Variants in LAMB1 observed in about 807,000 individuals in gnomAD.
LAMB1 encodes the protein laminin subunit beta-1.
A neutral mutation model predicts 222.3 loss-of-function variants in LAMB1; 121 were observed. The observed-to-expected ratio is 0.54, with a 90% CI of 0.47 to 0.63. LAMB1 has a LOEUF of 0.63. LAMB1 is among the 30% of genes least tolerant of loss of function. The pLI is 0.00. For synonymous variants in LAMB1, 794 were observed against 807.2 expected, an observed-to-expected ratio of 0.98 and a Z score of 0.28; for missense variants, 2,172 against 2,240.8, an observed-to-expected ratio of 0.97 and a Z score of 0.62.
At chr7:107,935,983 T>G (rs971879501) in intron 26 of LAMB1, among the ~76,000 whole-genome samples, 4 of 152,198 alleles carry the variant, frequency 2.6e-5, no homozygotes, top group African/African-American at 9.6e-5. Flanking sequence ...CTAGATGACT[T>G]TTCTCAATCC....
At chr7:107,971,036 C>T (rs1006734611) in intron 13 of LAMB1, among the ~76,000 whole-genome samples, 3 of 152,178 alleles carry the variant, frequency 2.0e-5, no homozygotes, top group Non-Finnish European at 2.9e-5. Context: ...CTGGCCACTT[C>T]TTTAATTATT....
intron 14 of LAMB1, among the ~76,000 whole-genome samples, chr7:107,963,673 A>G (rs1337777036): frequency 1.3e-5 from 2 of 152,192 alleles, no homozygotes; most frequent in South Asian, 2.1e-4. Context: ...GGTGCAAACT[A>G]TGTTATCCTT....
rs953281831 is a variant in LAMB1, at chr7:107,932,483, C to T, written c.4189-106G>A. On this transcript the variant is annotated intron_variant, in intron 27 of 33. Coordinates refer to ENST00000222399, the MANE Select transcript of LAMB1 (RefSeq NM_002291.3). The stretch of plus-strand genomic sequence containing the variant: ...CCCCAGAGAATGTGTAGGTGGTCCT[C>T]AGCAAGGGTGCTTGAAAACAGTGTT... 17 of 1,044,370 alleles carry T rather than the reference C, an allele frequency of 1.6e-5. No homozygotes were observed. In the Admixed American group the frequency reaches 2.5e-4, roughly 15 times the overall value. 64.7% of individuals were successfully genotyped at this position (1,044,370 alleles called of 1,614,324 possible). A position where few individuals can be genotyped will look rare whatever the true frequency, so the allele number is the denominator to read the frequency against.
chr7:108,002,204 G>C, intron 2 of LAMB1: 1 of 1,366,582 alleles, frequency 7.3e-7, no homozygotes, highest in Non-Finnish European at 9.7e-7. Flanking sequence ...CTGTGAGCTT[G>C]GGAAGCGAGA....
chr7:107,941,491 A>G (rs4730281), intron 24 of LAMB1, among the ~76,000 whole-genome samples: 95,611 of 151,968 alleles, frequency 0.63, 30,526 homozygotes, highest in East Asian at 0.87. Context: ...CATCGGACTC[A>G]GGGTTAACTT....
chr7:107,944,411 C>T (rs2033066352), intron 24 of LAMB1, among the ~76,000 whole-genome samples: 6 of 152,128 alleles, frequency 3.9e-5, no homozygotes, highest in Admixed American at 3.3e-4. Context: ...CGGCTCTCTC[C>T]AGAAGTCAAC....
intron 3 of LAMB1, chr7:107,999,655 A>C (rs1244091814): frequency 6.7e-6 from 1 of 150,038 alleles, no homozygotes; most frequent in Non-Finnish European, 1.5e-5. Context: ...TGCCCACTAG[A>C]TGTTTGAGAA....
intron 5 of LAMB1, among the ~76,000 whole-genome samples, chr7:107,990,559 G>A (rs971453132): frequency 1.3e-5 from 2 of 151,952 alleles, no homozygotes; most frequent in Non-Finnish European, 2.9e-5. Context: ...TTTTTTTTAA[G>A]TGAAAGCAAG....
rs2116353645 is a variant in LAMB1 at position 107,940,225 on chromosome 7, G to T, written c.3525C>A (p.Asp1175Glu). The T allele has an allele frequency of 6.2e-7, 1 of 1,614,204 alleles. No homozygotes were observed. ...CTRGYSGVFP[D>E]CTPCHQCFAL... ...CAAAGCACTGGTGGCAGGGTGTGCAGTCAGGGAAGACCCCCGAGTACCCTC... is the reference window on the plus strand; with the variant it reads ...CAAAGCACTGGTGGCAGGGTGTGCATTCAGGGAAGACCCCCGAGTACCCTC... Residue 1175 changes from aspartate (D) to glutamate (E), a missense_variant, in exon 25 of 34, where the codon GAC becomes GAA. Coordinates refer to ENST00000222399, the MANE Select transcript of LAMB1 (RefSeq NM_002291.3).
intron 13 of LAMB1, among the ~76,000 whole-genome samples, chr7:107,968,757 G>A (rs1020090058): frequency 1.3e-5 from 2 of 152,190 alleles, no homozygotes; most frequent in African/African-American, 4.8e-5. Context: ...GCAGAATCCT[G>A]CCAACAACCC....
intron 5 of LAMB1, among the ~76,000 whole-genome samples, chr7:107,991,822 C>T (rs186215409): frequency 4.8e-5 from 7 of 145,900 alleles, no homozygotes; most frequent in African/African-American, 1.8e-4. Context: ...GCAGAAGAAT[C>T]GCTTGAACCC....
chr7:107,960,725 G>C, intron 17 of LAMB1, 76 bp from the exon 18 acceptor site: 2 of 1,235,334 alleles, frequency 1.6e-6, no homozygotes, highest in East Asian at 4.6e-5. Context: ...CAAACGTGTA[G>C]AAAACCCAAA....
chr7:107,991,585 C>T (rs1241997143), intron 5 of LAMB1, among the ~76,000 whole-genome samples: 1 of 147,512 alleles, frequency 6.8e-6, no homozygotes, highest in East Asian at 2.0e-4. Context: ...GAAACTCCAT[C>T]CTCAAAAAAA....
intron 21 of LAMB1, 128 bp from the exon 22 acceptor site, chr7:107,953,882 G>T: frequency 1.4e-6 from 1 of 736,036 alleles, no homozygotes; most frequent in Non-Finnish European, 2.4e-6. Flanking sequence ...TGTTTAAAGA[G>T]CCCAGGGTGA....
At chr7:107,924,694 G>A (rs2032519885) in intron 32 of LAMB1, among the ~76,000 whole-genome samples, 1 of 152,126 alleles carries the variant, frequency 6.6e-6, no homozygotes, top group Non-Finnish European at 1.5e-5. Flanking sequence ...ATAGAGAAGC[G>A]CAGATTTTTC....
chr7:107,937,142 C>T lies in LAMB1; in HGVS notation c.3897G>A (p.Val1299=). The change falls in exon 26 of 34, where the codon GTG becomes GTA. Residue 1299 remains valine (V), a synonymous_variant. Transcript: ENST00000222399. ...ATTCCAGTTGTTCAGCAAGTTCTTT[C>T]ACAGTGTTGTCTAGGCTTTCGGCTT... ...QTEAESLDNT[V]KELAEQLEFI... 1 of 1,613,988 alleles carries T rather than the reference C, an allele frequency of 6.2e-7. No individual in the cohort carries two copies. Among genetic ancestry groups the T allele is most frequent in the Non-Finnish European group, 8.5e-7 (1 of 1,179,976 alleles).
chr7:107,981,429 C>A (rs544926766), intron 7 of LAMB1, among the ~76,000 whole-genome samples: 1 of 142,632 alleles, frequency 7.0e-6, no homozygotes, highest in Non-Finnish European at 1.5e-5. Flanking sequence ...GCCTGAACGA[C>A]AAGAGCAAAA....
chr7:107,998,458 T>C lies in LAMB1; in HGVS notation c.248A>G (p.Asp83Gly). The change falls in exon 4 of 34, where the codon GAT (aspartate) becomes GGT (glycine). Residue 83 changes from aspartate (D) to glycine (G), a missense_variant. By Grantham distance (94) the Asp-to-Gly change is moderately conservative (BLOSUM62 -1). Transcript: ENST00000222399. Reference protein sequence around the residue: ...DKKCFICNSQDPYHETLNPDS... With the variant: ...DKKCFICNSQGPYHETLNPDS... ...AGGATTCAGGGTCTCATGATAAGGA[T>C]CTTGGGAATTGCATATGAAGCATTT... 6.2e-7 allele frequency: 1 copy of C among 1,614,014 alleles called. No homozygotes were observed. The highest frequency in any genetic ancestry group is 1.1e-5 in the South Asian group (1 of 91,066).
At chr7:107,997,956 G>C (rs1021415064) in intron 4 of LAMB1, among the ~76,000 whole-genome samples, 5 of 152,076 alleles carry the variant, frequency 3.3e-5, no homozygotes, top group African/African-American at 7.2e-5. Flanking sequence ...GGAAGGCAGT[G>C]GGGGGAGGAG....
Sources: allele counts gnomAD v4.1 joint callset (sites outside exome capture counted in the v4.1 genomes callset), GRCh38; gene constraint gnomAD v4.1.1; transcripts MANE v1.5; gene names NCBI Gene and HGNC (gene_info 2026-07-23, HGNC 2026-07-21).